The following DSCAM variants were observed in gnomAD, a reference collection of about 807,000 sequenced individuals.
The protein encoded by DSCAM is DS cell adhesion molecule.
In DSCAM, 47 loss-of-function variants were observed where a neutral mutation model predicts 217.7. The ratio of observed to expected loss-of-function variants is 0.22; its 90% confidence interval spans 0.17 to 0.28. The LOEUF is 0.28. DSCAM is among the 10% of genes least tolerant of loss of function. DSCAM has a pLI of 1.00. For synonymous variants in DSCAM, 1,056 were observed against 1,015.3 expected (o/e 1.04, Z -0.76); for missense variants, 2,080 against 2,618.3 (o/e 0.79, Z 4.49).
At chr21:40,182,185 A>G (rs767033095) in intron 14 of DSCAM, among the ~76,000 whole-genome samples, 19 of 152,178 alleles carry the variant, frequency 1.2e-4, no homozygotes, top group Non-Finnish European at 2.2e-4. Context: ...GGTGAATTAC[A>G]TGAAAGGTTT....
At chr21:40,589,911 T>C (rs2076972142) in intron 3 of DSCAM, among the ~76,000 whole-genome samples, 1 of 152,242 alleles carries the variant, frequency 6.6e-6, no homozygotes, top group Non-Finnish European at 1.5e-5. Flanking sequence ...TGGCTCACTT[T>C]TTTTAATCTG....
intron 4 of DSCAM, among the ~76,000 whole-genome samples, chr21:40,356,845 G>A (rs541680093): frequency 2.6e-5 from 4 of 152,214 alleles, no homozygotes; most frequent in Admixed American, 6.5e-5. Context: ...AAGAGGCTGT[G>A]ATTCCGTAGT....
At position 40,235,931 on chromosome 21, in the gene DSCAM, G is replaced by T. The variant is rs149215749; in HGVS notation, c.2356+40166C>A. Reference sequence around the variant, plus strand: ...TGGATAATTTTTCTATTATTCAAAAGTAAGGTTGTTTTGCTAAAACAAAAG... The same window carrying T: ...TGGATAATTTTTCTATTATTCAAAATTAAGGTTGTTTTGCTAAAACAAAAG... On this transcript the variant is annotated intron_variant, in intron 11 of 32. Transcript: ENST00000400454. Among the ~76,000 whole-genome samples, 356 of 152,308 alleles carry T rather than the reference G, an allele frequency of 2.3e-3. 1 individual carries two copies. The highest frequency in any genetic ancestry group is 3.4e-3 in the Admixed American group (52 of 15,296).
chr21:40,777,984 T>C (rs2091503918), intron 1 of DSCAM, among the ~76,000 whole-genome samples: 2 of 152,174 alleles, frequency 1.3e-5, no homozygotes, highest in Admixed American at 6.5e-5. Flanking sequence ...AAGATAATGA[T>C]ATTTTACCTC....
At chr21:40,014,383 CAAACAAAACAAAACA>C (rs146502815) in intron 32 of DSCAM, among the ~76,000 whole-genome samples, 9 of 151,314 alleles carry the variant, frequency 5.9e-5, no homozygotes, top group Admixed American at 6.6e-5. Context: ...GAGCAAGACT[CAAACAAAACAAAACA>C]AAACAAAACA....
At chr21:40,159,209 T>C (rs1357672239) in intron 16 of DSCAM, among the ~76,000 whole-genome samples, 1 of 152,186 alleles carries the variant, frequency 6.6e-6, no homozygotes, top group Non-Finnish European at 1.5e-5. Context: ...GCAGATGCCA[T>C]TTGATGATGT....
chr21:40,587,924 C>T (rs2076958201), intron 3 of DSCAM, among the ~76,000 whole-genome samples: 1 of 152,174 alleles, frequency 6.6e-6, no homozygotes, highest in Admixed American at 6.5e-5. Flanking sequence ...TCATTTGATT[C>T]TTGAGCACAA....
At chr21:40,813,313 T>C (rs1175552214) in intron 1 of DSCAM, among the ~76,000 whole-genome samples, 1 of 152,210 alleles carries the variant, frequency 6.6e-6, no homozygotes, top group African/African-American at 2.4e-5. Context: ...TTGATTAATC[T>C]AAATAACTGT....
chr21:40,789,934 T>C (rs2091625813), intron 1 of DSCAM, among the ~76,000 whole-genome samples: 1 of 152,100 alleles, frequency 6.6e-6, no homozygotes, highest in African/African-American at 2.4e-5. Flanking sequence ...ATGAAATCAG[T>C]GGTGGGAAGC....
chr21:40,832,129 A>G (rs184431602), intron 1 of DSCAM, among the ~76,000 whole-genome samples: 2 of 152,324 alleles, frequency 1.3e-5, no homozygotes, highest in Admixed American at 1.3e-4. Flanking sequence ...TTGACTGAGA[A>G]TGAACAGAGG....
At chr21:40,805,279 ATC>A (rs1330093797) in intron 1 of DSCAM, among the ~76,000 whole-genome samples, 2 of 152,156 alleles carry the variant, frequency 1.3e-5, no homozygotes, top group African/African-American at 2.4e-5. Flanking sequence ...TTGTATGTCT[ATC>A]TCTCTTTCCC....
intron 28 of DSCAM, among the ~76,000 whole-genome samples, chr21:40,062,611 A>C (rs1182944690): frequency 6.6e-6 from 1 of 152,228 alleles, no homozygotes; most frequent in African/African-American, 2.4e-5. Flanking sequence ...TCCCAGGCTA[A>C]TGGGAAGCCT....
rs369242382 is a variant in DSCAM at position 40,724,794 on chromosome 21, T to C, written c.44-16023A>G. On this transcript the variant is annotated intron_variant, in intron 1 of 32. Transcript: ENST00000400454. Reference sequence around the variant, plus strand: ...AAGACATAAATTCTTCTTAGTTTCATTGACTAATACACTGTTGAGCATTAT... The same window carrying C: ...AAGACATAAATTCTTCTTAGTTTCACTGACTAATACACTGTTGAGCATTAT... Among the ~76,000 whole-genome samples, 72 of 152,356 alleles carry C rather than the reference T, an allele frequency of 4.7e-4. No individual in the cohort carries two copies. The East Asian group carries it at 8.7e-3, about 18-fold the overall frequency.
intron 3 of DSCAM, among the ~76,000 whole-genome samples, chr21:40,392,712 G>C (rs949330289): frequency 1.3e-5 from 2 of 152,070 alleles, no homozygotes; most frequent in African/African-American, 4.8e-5. Context: ...TTTCCCCCAG[G>C]TCCTGCCAAG....
chr21:40,180,767 C>T (rs7276629), intron 14 of DSCAM, among the ~76,000 whole-genome samples: 1 of 152,014 alleles, frequency 6.6e-6, no homozygotes, highest in African/African-American at 2.4e-5. Context: ...ACTGGAGGCT[C>T]TTGTCTGGGA....
intron 18 of DSCAM, 95 bp downstream of exon 18, chr21:40,142,463 T>G: frequency 7.1e-7 from 1 of 1,414,408 alleles, no homozygotes; most frequent in Non-Finnish European, 9.7e-7. Context: ...GTGCCCGCCA[T>G]ATCCTGAGCC....
chr21:40,252,736 T>C (rs950462201), intron 11 of DSCAM, among the ~76,000 whole-genome samples: 1 of 152,164 alleles, frequency 6.6e-6, no homozygotes. Context: ...AAGTATCACA[T>C]CCTTAAACTT....
chr21:40,417,162 C>T (rs532475236), intron 3 of DSCAM, among the ~76,000 whole-genome samples: 149 of 152,182 alleles, frequency 9.8e-4, no homozygotes, highest in African/African-American at 3.2e-3. Flanking sequence ...GTTAAGGTTG[C>T]GTGAACATCT....
At chr21:40,209,458 T>G (rs555035318) in intron 11 of DSCAM, among the ~76,000 whole-genome samples, 1 of 152,330 alleles carries the variant, frequency 6.6e-6, no homozygotes, top group Admixed American at 6.5e-5. Context: ...TGATCTGACC[T>G]GCTTGGGCTG....
Sources: allele counts gnomAD v4.1 joint callset (sites outside exome capture counted in the v4.1 genomes callset), GRCh38; gene constraint gnomAD v4.1.1; transcripts MANE v1.5; gene names NCBI Gene and HGNC (gene_info 2026-07-23, HGNC 2026-07-21).